ITCH: variants seen among roughly 807,000 people sequenced by gnomAD.
The protein encoded by ITCH is itchy E3 ubiquitin protein ligase.
In ITCH, 28 loss-of-function variants were observed where a neutral mutation model predicts 126.8. The observed-to-expected ratio is 0.22, with a 90% CI of 0.16 to 0.30. The LOEUF (loss-of-function observed/expected upper bound fraction) is 0.30. Ranked by LOEUF, ITCH falls within the 10% of genes least tolerant of loss-of-function variation. The pLI, the probability that ITCH is intolerant of heterozygous loss-of-function variation, is 1.00. For synonymous variants in ITCH, 342 were observed against 340.0 expected (o/e 1.01, Z -0.06); for missense variants, 631 against 1,032.4 (o/e 0.61, Z 5.33).
chr20:34,497,114 A>G (rs996356724), intron 23 of ITCH, among the ~76,000 whole-genome samples: 4 of 151,844 alleles, frequency 2.6e-5, no homozygotes, highest in African/African-American at 9.7e-5. Flanking sequence ...CTCTTGCCTT[A>G]GCCTCCTGAG....
chr20:34,433,625 C>G (rs570075119), intron 7 of ITCH, among the ~76,000 whole-genome samples: 1 of 148,856 alleles, frequency 6.7e-6, no homozygotes, highest in African/African-American at 2.5e-5. Context: ...CCTATGCACT[C>G]CAGCCTGGGC....
intron 24 of ITCH, among the ~76,000 whole-genome samples, chr20:34,507,088 A>G (rs1404353899): frequency 6.6e-6 from 1 of 152,086 alleles, no homozygotes; most frequent in African/African-American, 2.4e-5. Context: ...TGTTTTGGGT[A>G]TATACCCAGA....
rs762136134 is a variant in ITCH at position 34,489,818 on chromosome 20, A to G, written c.2215-4A>G. ...GAAACAATTTGTCTTTTTCATCCCT[A>G]AAGGTCCTTTTATGTGGAATGCAAG... is the stretch of plus-strand genomic sequence containing the variant. On this transcript the variant is annotated splice_region_variant and splice_polypyrimidine_tract_variant and intron_variant, in intron 21 of 24. Coordinates refer to ENST00000374864, the MANE Select transcript of ITCH (RefSeq NM_031483.7). The G allele has an allele frequency of 1.0e-5, 16 of 1,604,232 alleles. No individual in the cohort carries two copies. Among genetic ancestry groups the G allele is most frequent in the Admixed American group, 5.0e-5 (3 of 59,990 alleles).
intron 10 of ITCH, among the ~76,000 whole-genome samples, chr20:34,442,991 AT>A (rs1453245637): frequency 6.6e-6 from 1 of 151,166 alleles, no homozygotes; most frequent in African/African-American, 2.4e-5. Flanking sequence ...AAAAAAAAAA[AT>A]TTCCTTAACT....
chr20:34,376,135 GCTTT>G (rs1331137787), intron 2 of ITCH, among the ~76,000 whole-genome samples: 3 of 152,070 alleles, frequency 2.0e-5, no homozygotes, highest in African/African-American at 7.2e-5. Context: ...GTGGCTTGCT[GCTTT>G]ACAACCTCTG....
intron 3 of ITCH, among the ~76,000 whole-genome samples, chr20:34,399,014 A>G (rs1002142063): frequency 5.3e-5 from 8 of 152,174 alleles, no homozygotes; most frequent in African/African-American, 1.7e-4. Context: ...TAATCTCTTA[A>G]TGGGTCAGTT....
intron 2 of ITCH, among the ~76,000 whole-genome samples, chr20:34,375,643 A>G (rs1400546528): frequency 1.3e-5 from 2 of 149,998 alleles, no homozygotes; most frequent in Non-Finnish European, 3.0e-5. Flanking sequence ...AAAATAATTT[A>G]AAAATACTAC....
In ITCH at chr20:34,397,693, A is replaced by G. The variant is rs947522371; in HGVS notation, c.70+3812A>G. On this transcript the variant is annotated intron_variant, in intron 3 of 24. Transcript: ENST00000374864. ...AGCAGTATCTGTTTCTTAAAGAAAG[A>G]TATTACTATTTCTTAGTTAAGGCCA... 5.4e-4 allele frequency among the ~76,000 whole-genome samples: 82 copies of G among 152,182 alleles called. 1 individual carries two copies. Among genetic ancestry groups the G allele is most frequent in the Non-Finnish European group, 1.9e-4 (13 of 68,038 alleles).
At chr20:34,501,034 A>AT (rs1013207027) in intron 23 of ITCH, among the ~76,000 whole-genome samples, 21 of 152,058 alleles carry the variant, frequency 1.4e-4, no homozygotes, top group African/African-American at 4.1e-4. Context: ...TTGGCTGCCA[A>AT]TTTTTTTCTT....
chr20:34,476,421 G>A (rs1241043920), intron 16 of ITCH: 9 of 1,234,128 alleles, frequency 7.3e-6, no homozygotes, highest in African/African-American at 6.3e-5. Context: ...CGGCCGGGTC[G>A]CCGAGGACCG....
intron 10 of ITCH, among the ~76,000 whole-genome samples, chr20:34,443,076 AAATG>A (rs1983971075): frequency 6.6e-6 from 1 of 152,168 alleles, no homozygotes; most frequent in African/African-American, 2.4e-5. Context: ...GTAATTATTT[AAATG>A]AATAAGAATT....
intron 2 of ITCH, among the ~76,000 whole-genome samples, chr20:34,380,265 A>G (rs2038007578): frequency 6.6e-6 from 1 of 152,134 alleles, no homozygotes; most frequent in South Asian, 2.1e-4. Context: ...TCCTTTTTAA[A>G]TGCTGAGTAA....
chr20:34,482,348 C>T (rs1215590185), intron 20 of ITCH, among the ~76,000 whole-genome samples: 1 of 152,224 alleles, frequency 6.6e-6, no homozygotes, highest in Non-Finnish European at 1.5e-5. Flanking sequence ...CAAGGGAAGT[C>T]CCTTCCGCCT....
intron 2 of ITCH, among the ~76,000 whole-genome samples, chr20:34,385,263 A>G (rs1052005439): frequency 5.5e-5 from 7 of 126,516 alleles, no homozygotes; most frequent in Admixed American, 3.8e-4. Flanking sequence ...GGGTGTCACT[A>G]TGTTGGCCAG....
chr20:34,481,725 A>G (rs1158356082), intron 20 of ITCH, among the ~76,000 whole-genome samples: 2 of 152,112 alleles, frequency 1.3e-5, no homozygotes, highest in Non-Finnish European at 2.9e-5. Context: ...TTAAAACCTC[A>G]TCATCGGCCA....
intron 22 of ITCH, among the ~76,000 whole-genome samples, chr20:34,490,750 C>T (rs924404466): frequency 2.0e-5 from 3 of 152,110 alleles, no homozygotes; most frequent in Non-Finnish European, 2.9e-5. Context: ...GTGTGAAATA[C>T]CACACCACTG....
In ITCH at chr20:34,376,224, A is replaced by AT. The variant is rs1437888314; in HGVS notation, c.-22+6757dup. Among the ~76,000 whole-genome samples, 11 of 152,062 alleles carry AT rather than the reference A, an allele frequency of 7.2e-5. No individual in the cohort carries two copies. The East Asian group carries it at 2.1e-3, about 29-fold the overall frequency. ...GAAGAAAGTTCTTACCCACGTAAAG[A>AT]TTTAACCAGCCTCGGCAGCATGGTG... is the stretch of plus-strand genomic sequence containing the variant. On this transcript the variant is annotated intron_variant, in intron 2 of 24. Transcript: ENST00000374864.
In ITCH at chr20:34,492,601, T is replaced by G. The variant is rs960585125; in HGVS notation, c.2416+4T>G. 1.3e-6 allele frequency: 2 copies of G among 1,578,006 alleles called. No homozygotes were observed. The highest frequency in any genetic ancestry group is 2.7e-5 in the African/African-American group (2 of 74,254). On this transcript the variant is annotated splice_donor_region_variant and intron_variant, in intron 23 of 24. Coordinates refer to ENST00000374864, the MANE Select transcript of ITCH (RefSeq NM_031483.7). ...GGAGGATTTGCTGATCTCATGGGTA[T>G]GTATACAGGATCACTTTTCCTATAC...
At chr20:34,474,899 CG>C (rs1988015527) in intron 16 of ITCH, among the ~76,000 whole-genome samples, 1 of 151,564 alleles carries the variant, frequency 6.6e-6, no homozygotes, top group African/African-American at 2.4e-5. Flanking sequence ...ACTTCTCAGA[CG>C]GGGCGGTTGC....
Sources: allele counts gnomAD v4.1 joint callset (sites outside exome capture counted in the v4.1 genomes callset), GRCh38; gene constraint gnomAD v4.1.1; transcripts MANE v1.5; gene names NCBI Gene and HGNC (gene_info 2026-07-23, HGNC 2026-07-21).